The following ZMAT3 variants were observed in gnomAD, a reference collection of about 807,000 sequenced individuals.
ZMAT3 encodes the protein zinc finger matrin-type 3.
A neutral mutation model predicts 32.3 loss-of-function variants in ZMAT3; 17 were observed. The observed-to-expected ratio is 0.53, with a 90% CI of 0.36 to 0.79. The LOEUF is 0.79. Ranked by LOEUF, ZMAT3 falls within the 30% of genes least tolerant of loss-of-function variation. ZMAT3 has a pLI of 0.00. For missense variants in ZMAT3, 329 were observed against 359.7 expected, an observed-to-expected ratio of 0.91 and a Z score of 0.69; for synonymous variants, 120 against 133.1, an observed-to-expected ratio of 0.90 and a Z score of 0.68.
chr3:179,070,807 A>T (rs1721669126), intron 1 of ZMAT3, among the ~76,000 whole-genome samples: 1 of 152,244 alleles, frequency 6.6e-6, no homozygotes, highest in Non-Finnish European at 1.5e-5. Context: ...AAAGCTTCAC[A>T]AGGTACCCTG....
chr3:179,049,428 T>G (rs972997122), intron 2 of ZMAT3, among the ~76,000 whole-genome samples: 1 of 151,974 alleles, frequency 6.6e-6, no homozygotes, highest in African/African-American at 2.4e-5. Flanking sequence ...ACAAAACAAG[T>G]CTCAACAAAT....
At chr3:179,034,353 T>A (rs1448608499) in intron 2 of ZMAT3, among the ~76,000 whole-genome samples, 2 of 152,242 alleles carry the variant, frequency 1.3e-5, no homozygotes, top group Admixed American at 6.5e-5. Context: ...TGTGCCTTCA[T>A]CTTACTGGAA....
intron 3 of ZMAT3, among the ~76,000 whole-genome samples, chr3:179,030,363 T>C (rs1420037425): frequency 1.3e-5 from 2 of 151,166 alleles, no homozygotes; most frequent in African/African-American, 4.9e-5. Flanking sequence ...TCTTTTTTTT[T>C]TTTTTTTTTG....
chr3:179,055,368 G>A (rs1255019061), intron 2 of ZMAT3, among the ~76,000 whole-genome samples: 2 of 152,094 alleles, frequency 1.3e-5, no homozygotes, highest in East Asian at 3.9e-4. Context: ...GGAGTGAAGT[G>A]CCATATGTGC....
intron 2 of ZMAT3, among the ~76,000 whole-genome samples, chr3:179,033,161 G>A (rs1165167189): frequency 6.6e-6 from 1 of 152,148 alleles, no homozygotes; most frequent in African/African-American, 2.4e-5. Flanking sequence ...TTCTGCCTTG[G>A]GCTGCTGTTA....
chr3:179,069,165 T>C (rs1721579777), intron 1 of ZMAT3, among the ~76,000 whole-genome samples: 2 of 152,182 alleles, frequency 1.3e-5, no homozygotes, highest in South Asian at 4.1e-4. Flanking sequence ...AAATGTCCAA[T>C]GGAGTAATGG....
intron 2 of ZMAT3, among the ~76,000 whole-genome samples, chr3:179,045,995 A>G (rs1720213558): frequency 6.6e-6 from 1 of 152,212 alleles, no homozygotes; most frequent in Non-Finnish European, 1.5e-5. Context: ...AAGTGGTTTA[A>G]CTAGGAAAAC....
At chr3:179,065,367 T>G (rs1265529003) in intron 2 of ZMAT3, among the ~76,000 whole-genome samples, 2 of 152,312 alleles carry the variant, frequency 1.3e-5, no homozygotes, top group East Asian at 3.9e-4. Flanking sequence ...ATTACTAATC[T>G]TGTCAACTAC....
Position 179,047,615 on chromosome 3 carries a change from G to A in ZMAT3, c.271-16616C>T, listed in dbSNP as rs541340141. 1.6e-4 allele frequency among the ~76,000 whole-genome samples: 25 copies of A among 152,290 alleles called. 1 individual carries two copies. In the South Asian group the frequency reaches 5.0e-3, roughly 30 times the overall value. On this transcript the variant is annotated intron_variant, in intron 2 of 5. Transcript: ENST00000311417. ...CGCCTGTAATCCCAGCACTTTGGGA[G>A]GCTGAGGCAGGCAGATCACCTGAGG...
At chr3:179,049,686 T>C (rs1720436050) in intron 2 of ZMAT3, among the ~76,000 whole-genome samples, 1 of 152,184 alleles carries the variant, frequency 6.6e-6, no homozygotes, top group Non-Finnish European at 1.5e-5. Flanking sequence ...TAGCATTAAC[T>C]GCCTACATCA....
rs766042277 is a variant in ZMAT3 at position 179,027,612 on chromosome 3, A to T, written c.557+34T>A. On this transcript the variant is annotated intron_variant, in intron 4 of 5. Coordinates refer to ENST00000311417, the MANE Select transcript of ZMAT3 (RefSeq NM_022470.4). Reference sequence around the variant, plus strand: ...CTTTAAAGACAGTCAATCTCACATAACACTTTGGCCTCAGAGAAAATGGCA... The same window carrying T: ...CTTTAAAGACAGTCAATCTCACATATCACTTTGGCCTCAGAGAAAATGGCA... 5 of 1,613,854 alleles carry T rather than the reference A, an allele frequency of 3.1e-6. No individual in the cohort carries two copies. In the African/African-American group the frequency reaches 5.3e-5, roughly 17 times the overall value.
chr3:179,069,284 A>C (rs2108594387), intron 1 of ZMAT3, among the ~76,000 whole-genome samples: 1 of 152,224 alleles, frequency 6.6e-6, no homozygotes, highest in African/African-American at 2.4e-5. Context: ...TCCCTCAGAA[A>C]AGACCCAAAA....
chr3:179,038,823 G>T lies in ZMAT3; in HGVS notation c.271-7824C>A, dbSNP rs541647476. ...TTTCCTAGCCAAGAGAAGCCGTGAC[G>T]GACTGCACCTGGAAAAACAGGACAC... On this transcript the variant is annotated intron_variant, in intron 2 of 5. Transcript: ENST00000311417. Among the ~76,000 whole-genome samples the T allele has an allele frequency of 2.0e-5, 3 of 152,298 alleles. No individual in the cohort carries two copies. In the South Asian group the frequency reaches 6.2e-4, roughly 32 times the overall value.
chr3:179,024,376 C>G lies in ZMAT3; in HGVS notation c.*641G>C, dbSNP rs989117510. 1.3e-5 allele frequency: 2 copies of G among 152,356 alleles called. No homozygotes were observed. Among genetic ancestry groups the G allele is most frequent in the African/African-American group, 2.4e-5 (1 of 41,416 alleles). The allele number at this position is 152,356 out of a possible 1,614,324, so 9.4% of individuals were successfully genotyped here. A position where few individuals can be genotyped will look rare whatever the true frequency, so the allele number is the denominator to read the frequency against. On this transcript the variant is annotated 3_prime_UTR_variant, in exon 6 of 6. Coordinates refer to ENST00000311417, the MANE Select transcript of ZMAT3 (RefSeq NM_022470.4). ...TTGAGGTGGCGGTTCTGGTTAAGCC[C>G]TGGGAAACTGAAATCTCTGCTGACC...
chr3:179,031,743 C>A (rs1560085452), intron 2 of ZMAT3, among the ~76,000 whole-genome samples: 1 of 151,932 alleles, frequency 6.6e-6, no homozygotes, highest in East Asian at 1.9e-4. Flanking sequence ...CCCATCTCTA[C>A]TAAAAATACA....
At chr3:179,054,418 G>C (rs906922150) in intron 2 of ZMAT3, among the ~76,000 whole-genome samples, 1 of 152,042 alleles carries the variant, frequency 6.6e-6, no homozygotes, top group African/African-American at 2.4e-5. Flanking sequence ...CGCGATTTCA[G>C]GTTCTTAATA....
In ZMAT3 at chr3:179,020,066, T is replaced by C. The variant is rs1042815022; in HGVS notation, c.*4951A>G. ...TTACTTGATATCAAATTGACATTTA[T>C]TTAAAAAAGGGAAAAAAAAGACGTA... is the stretch of plus-strand genomic sequence containing the variant. On this transcript the variant is annotated 3_prime_UTR_variant, in exon 6 of 6. Coordinates refer to ENST00000311417, the MANE Select transcript of ZMAT3 (RefSeq NM_022470.4). 2.0e-5 allele frequency: 3 copies of C among 152,150 alleles called. No homozygotes were observed. Among genetic ancestry groups the C allele is most frequent in the African/African-American group, 7.2e-5 (3 of 41,412 alleles). 9.4% of individuals were successfully genotyped at this position (152,150 alleles called of 1,614,324 possible). A position where few individuals can be genotyped will look rare whatever the true frequency, so the allele number is the denominator to read the frequency against.
In ZMAT3 at chr3:179,030,910, T is replaced by C; in HGVS notation, c.360A>G (p.Ala120=). 6.2e-7 allele frequency: 1 copy of C among 1,613,882 alleles called. No individual in the cohort carries two copies. The highest frequency in any genetic ancestry group is 8.5e-7 in the Non-Finnish European group (1 of 1,179,866). The change falls in exon 3 of 6, where the codon GCA becomes GCG. Residue 120 remains alanine (A), a synonymous_variant. Coordinates refer to ENST00000311417, the MANE Select transcript of ZMAT3 (RefSeq NM_022470.4). ...GAGGGACTGGAACAACTGGAGTAGCTGCAGGCTCGACCACATTGCTCATTC... is the reference window on the plus strand; with the variant it reads ...GAGGGACTGGAACAACTGGAGTAGCCGCAGGCTCGACCACATTGCTCATTC... ...PARMSNVVEP[A]ATPVVPVPPQ... is the part of the protein sequence containing the mutation.
chr3:179,068,096 G>A (rs541613512), intron 1 of ZMAT3, among the ~76,000 whole-genome samples: 28 of 151,728 alleles, frequency 1.8e-4, no homozygotes, highest in Non-Finnish European at 2.6e-4. Flanking sequence ...TTGCATCCAC[G>A]GCTAAATCTA....
Sources: gnomAD v4.1 joint callset for allele counts (sites outside exome capture counted in the v4.1 genomes callset) on GRCh38, gnomAD v4.1.1 for gene constraint, MANE v1.5 for transcripts, NCBI Gene and HGNC (gene_info 2026-07-23, HGNC 2026-07-21) for gene names.